CCDC30: variants seen among roughly 807,000 people sequenced by gnomAD.
The protein encoded by CCDC30 is coiled-coil domain-containing protein 30.
In CCDC30, 70 loss-of-function variants were observed where a neutral mutation model predicts 100.2. The ratio of observed to expected loss-of-function variants is 0.70; its 90% CI spans 0.58 to 0.85. CCDC30 has a LOEUF of 0.85. CCDC30 is among the 40% of genes least tolerant of loss of function. The pLI, the probability that CCDC30 is intolerant of heterozygous loss-of-function variation, is 0.00. For missense variants in CCDC30, 652 were observed against 771.2 expected (o/e 0.85, Z 1.83); for synonymous variants, 233 against 269.5 (o/e 0.86, Z 1.33).
chr1:42,551,139 A>G (rs1330665371), intron 6 of CCDC30, among the ~76,000 whole-genome samples: 2 of 152,214 alleles, frequency 1.3e-5, no homozygotes, highest in African/African-American at 2.4e-5. Context: ...AGGAAAGACC[A>G]CCTTGCAAAT....
chr1:42,546,824 A>G (rs989034712), intron 6 of CCDC30, among the ~76,000 whole-genome samples: 6 of 151,898 alleles, frequency 4.0e-5, no homozygotes, highest in Non-Finnish European at 7.4e-5. Context: ...CAAGTGCACT[A>G]CTCTTCCTGG....
intron 9 of CCDC30, 71 bp from the exon 14 acceptor site, chr1:42,589,250 C>A (rs1646136210): frequency 7.8e-7 from 1 of 1,287,202 alleles, no homozygotes; most frequent in Non-Finnish European, 1.1e-6. Flanking sequence ...CCTTGTGATG[C>A]CATAAAAATT....
chr1:42,557,140 A>G (rs74068456), intron 6 of CCDC30, among the ~76,000 whole-genome samples: 2 of 152,332 alleles, frequency 1.3e-5, no homozygotes, highest in African/African-American at 4.8e-5. Context: ...ACTCATAAGT[A>G]AATAGAAGGC....
chr1:42,456,335 C>G, the CCDC30 span: 2 of 607,680 alleles, frequency 3.3e-6, no homozygotes, highest in African/African-American at 1.9e-5. Flanking sequence ...GGAACGTGAC[C>G]CTACCAGATG....
intron 6 of CCDC30, among the ~76,000 whole-genome samples, chr1:42,565,585 G>A (rs1645588537): frequency 1.3e-5 from 2 of 152,146 alleles, no homozygotes; most frequent in Admixed American, 6.5e-5. Context: ...CACTGTGGGT[G>A]GGAATGTAAA....
At chr1:42,613,450 G>A (rs1353899519) in intron 11 of CCDC30, among the ~76,000 whole-genome samples, 1 of 152,042 alleles carries the variant, frequency 6.6e-6, no homozygotes, top group Non-Finnish European at 1.5e-5. Flanking sequence ...GTAGAGACGG[G>A]GTTTCACCGT....
At chr1:42,598,043 C>G (rs936424190) in intron 10 of CCDC30, among the ~76,000 whole-genome samples, 2 of 150,442 alleles carry the variant, frequency 1.3e-5, no homozygotes, top group African/African-American at 4.9e-5. Context: ...GGAGCACCAC[C>G]TGCAGTCCCA....
At chr1:42,581,022 T>C in intron 8 of CCDC30, 1 of 363,904 alleles carries the variant, frequency 2.7e-6, no homozygotes, top group East Asian at 7.4e-5. Context: ...TATTTTTTTG[T>C]AAATATGGGG....
At position 42,606,320 on chromosome 1, in the gene CCDC30, C is replaced by T. The variant is rs569651864; in HGVS notation, c.1165-4658C>T. 3.9e-5 allele frequency among the ~76,000 whole-genome samples: 6 copies of T among 152,280 alleles called. No individual in the cohort carries two copies. In the South Asian group the frequency reaches 1.0e-3, roughly 26 times the overall value. ...TTGAGACAGATTCTCACTCTGTTGC[C>T]GAGCTGGAGTGCAGTGGTGCGCTCT... On this transcript the variant is annotated intron_variant, in intron 10 of 16. Coordinates refer to ENST00000668663, the Ensembl canonical transcript of CCDC30.
intron 3 of CCDC30, among the ~76,000 whole-genome samples, chr1:42,489,145 A>G (rs528097796): frequency 2.2e-4 from 33 of 152,338 alleles, no homozygotes; most frequent in Middle Eastern, 6.8e-3. Context: ...TTCTTTTAGT[A>G]AAAACAAAAG....
chr1:42,510,422 GC>G (rs959036887), intron 6 of CCDC30, among the ~76,000 whole-genome samples: 2 of 152,110 alleles, frequency 1.3e-5, no homozygotes, highest in Admixed American at 1.3e-4. Flanking sequence ...ACTTTGGGGG[GC>G]CAAGGTGGGC....
intron 6 of CCDC30, among the ~76,000 whole-genome samples, chr1:42,504,158 A>T (rs1186725863): frequency 6.6e-6 from 1 of 152,250 alleles, no homozygotes; most frequent in African/African-American, 2.4e-5. Context: ...TAAGGCACAG[A>T]TCGCTCATGC....
chr1:42,595,185 C>G (rs1452640590), intron 10 of CCDC30: 1 of 152,046 alleles, frequency 6.6e-6, no homozygotes, highest in Non-Finnish European at 1.5e-5. Flanking sequence ...AGTTATATAT[C>G]ATGACGAGAA....
intron 6 of CCDC30, among the ~76,000 whole-genome samples, chr1:42,565,916 G>GAA (rs1553196124): frequency 8.0e-5 from 12 of 149,778 alleles, no homozygotes; most frequent in Non-Finnish European, 1.3e-4. Flanking sequence ...ACACCACACA[G>GAA]ACACACACAC....
intron 4 of CCDC30, 101 bp downstream of exon 4, chr1:42,490,330 G>A (rs72659920): frequency 0.15 from 65,642 of 448,098 alleles, 5,130 homozygotes; most frequent in East Asian, 0.17. Context: ...CCCAGGAGTT[G>A]GAGGTTGCAG....
At chr1:42,644,842 A>T (rs1193360916) in intron 14 of CCDC30, 35 bp downstream of exon 18, 1 of 1,362,998 alleles carries the variant, frequency 7.3e-7, no homozygotes, top group African/African-American at 1.4e-5. Context: ...CCTGCCTTTA[A>T]TGTGAAGTTC....
chr1:42,515,484 G>A (rs753000105), intron 6 of CCDC30, among the ~76,000 whole-genome samples: 21 of 152,164 alleles, frequency 1.4e-4, no homozygotes, highest in Non-Finnish European at 2.9e-4. Flanking sequence ...TTTGTAAAAG[G>A]CCTTGAGGTT....
chr1:42,533,124 A>G (rs773296118), intron 6 of CCDC30, among the ~76,000 whole-genome samples: 48 of 152,334 alleles, frequency 3.2e-4, no homozygotes, highest in Non-Finnish European at 6.3e-4. Context: ...GTTGGACTGT[A>G]TAATTTAAAC....
chr1:42,468,979 A>G (rs957489497), intron 1 of CCDC30, among the ~76,000 whole-genome samples: 4 of 152,158 alleles, frequency 2.6e-5, no homozygotes, highest in Non-Finnish European at 2.9e-5. Flanking sequence ...GGCTAGAGAC[A>G]TAGGAGTCAA....
Sources: gnomAD v4.1 joint callset for allele counts (sites outside exome capture counted in the v4.1 genomes callset) on GRCh38, gnomAD v4.1.1 for gene constraint, MANE v1.5 for transcripts, NCBI Gene and HGNC (gene_info 2026-07-23, HGNC 2026-07-21) for gene names.